The following CSMD1 variants were observed in gnomAD, a reference collection of about 807,000 sequenced individuals.
CSMD1 encodes the protein CUB and sushi domain-containing protein 1.
Under a neutral mutation model 417.5 loss-of-function variants are expected in CSMD1, and 213 were observed. The observed-to-expected ratio is 0.51, with a 90% CI of 0.46 to 0.57. The LOEUF is 0.57. Among genes scored for constraint, CSMD1 ranks in the 20% least tolerant of loss-of-function variants. The pLI is 0.00. For missense variants in CSMD1, 6,923 were observed against 4,529.7 expected (o/e 1.53, Z -15.17); for synonymous variants, 2,862 against 1,736.8 (o/e 1.65, Z -16.11).
intron 1 of CSMD1, among the ~76,000 whole-genome samples, chr8:4,780,150 G>A (rs1237925301): frequency 6.6e-6 from 1 of 152,150 alleles, no homozygotes; most frequent in Non-Finnish European, 1.5e-5. Context: ...GCCATAATTG[G>A]CCAGACCTTC....
intron 2 of CSMD1, among the ~76,000 whole-genome samples, chr8:4,538,022 A>G (rs1238450399): frequency 2.0e-5 from 3 of 152,170 alleles, no homozygotes; most frequent in Non-Finnish European, 4.4e-5. Context: ...TCTGAATCAC[A>G]TAACTGAGTA....
intron 3 of CSMD1, among the ~76,000 whole-genome samples, chr8:4,092,139 A>T (rs1350683153): frequency 6.6e-6 from 1 of 152,128 alleles, no homozygotes; most frequent in Admixed American, 6.5e-5. Flanking sequence ...AGAGAAGAAA[A>T]TTTTTCCTTA....
chr8:3,651,428 G>A (rs1047050697), intron 7 of CSMD1, among the ~76,000 whole-genome samples: 3 of 151,946 alleles, frequency 2.0e-5, no homozygotes, highest in East Asian at 1.9e-4. Flanking sequence ...CGAACTTGCT[G>A]AGCACGTAAT....
At chr8:3,344,244 G>C (rs1051635390) in intron 22 of CSMD1, among the ~76,000 whole-genome samples, 2 of 152,088 alleles carry the variant, frequency 1.3e-5, no homozygotes, top group Non-Finnish European at 2.9e-5. Flanking sequence ...AATGAGGATC[G>C]GGTAAAAGTG....
intron 1 of CSMD1, among the ~76,000 whole-genome samples, chr8:4,947,943 T>G (rs1369353132): frequency 6.6e-6 from 1 of 152,118 alleles, no homozygotes; most frequent in Non-Finnish European, 1.5e-5. Context: ...TTTGTGCGTT[T>G]ATTCCTATTG....
intron 3 of CSMD1, among the ~76,000 whole-genome samples, chr8:4,227,599 G>A (rs552684619): frequency 4.3e-4 from 66 of 152,078 alleles, no homozygotes; most frequent in African/African-American, 1.5e-3. Context: ...CCGACCTCAG[G>A]ATTCCCTGCA....
At chr8:3,281,700 A>T (rs1480034131) in intron 26 of CSMD1, among the ~76,000 whole-genome samples, 11 of 152,200 alleles carry the variant, frequency 7.2e-5, no homozygotes, top group Non-Finnish European at 5.9e-5. Flanking sequence ...CAGGCAGAAC[A>T]CAGGGAATTG....
At chr8:4,640,178 T>G (rs1375932973) in intron 1 of CSMD1, among the ~76,000 whole-genome samples, 8 of 152,242 alleles carry the variant, frequency 5.3e-5, no homozygotes, top group African/African-American at 1.9e-4. Flanking sequence ...ATGAGTACAG[T>G]GCATGTTGCT....
At chr8:3,216,735 C>T (rs760937617) in intron 29 of CSMD1, among the ~76,000 whole-genome samples, 32 of 152,206 alleles carry the variant, frequency 2.1e-4, no homozygotes, top group African/African-American at 7.2e-4. Context: ...TGTCCGTGTC[C>T]GTTCCACTTA....
chr8:3,814,656 A>T (rs1056116548), intron 5 of CSMD1, among the ~76,000 whole-genome samples: 1 of 152,186 alleles, frequency 6.6e-6, no homozygotes. Context: ...TCCAACCTCA[A>T]ATGTGAATAG....
chr8:3,621,991 A>ATGTGTGTG (rs35068961), intron 7 of CSMD1, among the ~76,000 whole-genome samples: 15 of 142,988 alleles, frequency 1.0e-4, no homozygotes, highest in African/African-American at 1.0e-4. Context: ...GTGTGTGTGT[A>ATGTGTGTG]TGTGTGTGTG....
intron 2 of CSMD1, among the ~76,000 whole-genome samples, chr8:4,520,380 T>C (rs1798886297): frequency 6.6e-6 from 1 of 152,186 alleles, no homozygotes; most frequent in Non-Finnish European, 1.5e-5. Context: ...AGACGACTTT[T>C]CTTCATATAA....
intron 1 of CSMD1, among the ~76,000 whole-genome samples, chr8:4,682,043 G>A (rs575888805): frequency 6.6e-6 from 1 of 152,144 alleles, no homozygotes; most frequent in African/African-American, 2.4e-5. Flanking sequence ...TTTTGAGACA[G>A]GGTCTCACTC....
At chr8:3,293,148 A>G (rs1803704421) in intron 25 of CSMD1, among the ~76,000 whole-genome samples, 1 of 108,286 alleles carries the variant, frequency 9.2e-6, no homozygotes, top group Non-Finnish European at 2.4e-5. Context: ...AATGTTGAAT[A>G]TTGCCCCCAC....
intron 26 of CSMD1, among the ~76,000 whole-genome samples, chr8:3,258,754 T>C (rs941246780): frequency 2.0e-5 from 3 of 152,198 alleles, no homozygotes; most frequent in Non-Finnish European, 4.4e-5. Context: ...TGGAATACTA[T>C]GCAGCTTTAA....
In CSMD1 at chr8:4,841,914, A is replaced by ACAAAACAAAAAAAAC; in HGVS notation, c.85+152417_85+152418insGTTTTTTTTGTTTTG. Among the ~76,000 whole-genome samples the ACAAAACAAAAAAAAC allele has an allele frequency of 1.5e-5, 2 of 136,624 alleles. 1 individual carries two copies. Among genetic ancestry groups the ACAAAACAAAAAAAAC allele is most frequent in the East Asian group, 4.6e-4 (2 of 4,336 alleles). The allele number at this position is 136,624 out of a possible 152,430, so 89.6% of individuals were successfully genotyped here. A position where few individuals can be genotyped will look rare whatever the true frequency, so the allele number is the denominator to read the frequency against. On this transcript the variant is annotated intron_variant, in intron 1 of 69. Transcript: ENST00000635120. Reference sequence around the variant, plus strand: ...CAACAAGAGCAAAACTCCGTCTCAAAAAAAAAAAAAAAAAAAAAAAAAAAG... The same window carrying ACAAAACAAAAAAAAC: ...CAACAAGAGCAAAACTCCGTCTCAAACAAAACAAAAAAAACAAAAAAAAAAAAAAAAAAAAAAAAG...
intron 6 of CSMD1, among the ~76,000 whole-genome samples, chr8:3,724,153 A>G (rs1563312479): frequency 6.7e-6 from 1 of 149,472 alleles, no homozygotes; most frequent in Admixed American, 6.8e-5. Flanking sequence ...CAGACGTTAA[A>G]AAGTTTTGCA....
At chr8:3,462,954 G>C (rs559005825) in intron 12 of CSMD1, among the ~76,000 whole-genome samples, 13 of 152,330 alleles carry the variant, frequency 8.5e-5, no homozygotes, top group Admixed American at 2.0e-4. Context: ...TAGTGCCCTT[G>C]TGAAGGATGT....
intron 4 of CSMD1, among the ~76,000 whole-genome samples, chr8:4,009,445 A>G (rs1339082972): frequency 1.3e-5 from 2 of 152,216 alleles, no homozygotes; most frequent in Non-Finnish European, 2.9e-5. Flanking sequence ...CAGCGGATAC[A>G]TCATTAAATA....
Sources: gnomAD v4.1 joint callset for allele counts (sites outside exome capture counted in the v4.1 genomes callset) on GRCh38, gnomAD v4.1.1 for gene constraint, MANE v1.5 for transcripts, NCBI Gene and HGNC (gene_info 2026-07-23, HGNC 2026-07-21) for gene names.